The following MYPN variants were observed in gnomAD, a reference collection of about 807,000 sequenced individuals.
The protein encoded by MYPN is sarcomeric protein myopalladin, 145 kDa (MYOP).
In MYPN, 63 loss-of-function variants were observed where a neutral mutation model predicts 129.4. The ratio of observed to expected loss-of-function variants is 0.49; its 90% confidence interval spans 0.40 to 0.60. The LOEUF (loss-of-function observed/expected upper bound fraction) is 0.60, where lower values mean the gene tolerates loss of function less well. MYPN is among the 20% of genes least tolerant of loss of function. The pLI is 0.00. For synonymous variants in MYPN, 629 were observed against 600.9 expected, an observed-to-expected ratio of 1.05 and a Z score of -0.68; for missense variants, 1,596 against 1,635.4, an observed-to-expected ratio of 0.98 and a Z score of 0.42.
chr10:68,140,424 G>T (rs1176231899), intron 2 of MYPN, among the ~76,000 whole-genome samples: 1 of 151,966 alleles, frequency 6.6e-6, no homozygotes, highest in African/African-American at 2.4e-5. Flanking sequence ...TACAACCTAG[G>T]AAACTGGTGA....
Position 68,174,152 on chromosome 10 carries a change from A to C in MYPN, c.2060A>C (p.Glu687Ala), listed in dbSNP as rs748512986. 24 of 1,614,008 alleles carry C rather than the reference A, an allele frequency of 1.5e-5. No homozygotes were observed. In the South Asian group the frequency reaches 2.6e-4, roughly 18 times the overall value. Reference protein sequence around the residue: ...LQNPPPSSPKEFPFSMTVLNS... With the variant: ...LQNPPPSSPKAFPFSMTVLNS... ...AACCCACCTCCTTCATCTCCTAAGG[A>C]GTTTCCTTTCAGCATGACTGTTTTG... is the stretch of plus-strand genomic sequence containing the variant. The change falls in exon 11 of 20, where the codon GAG becomes GCG. Residue 687 changes from glutamate (E) to alanine (A), a missense_variant. By Grantham distance (107) the Glu-to-Ala change is moderately radical (BLOSUM62 -1). Coordinates refer to ENST00000358913, the MANE Select transcript of MYPN (RefSeq NM_032578.4).
intron 12 of MYPN, among the ~76,000 whole-genome samples, chr10:68,182,254 C>T (rs1471246772): frequency 2.8e-5 from 3 of 108,112 alleles, no homozygotes; most frequent in Non-Finnish European, 5.6e-5. Context: ...ATATAACACA[C>T]ATATATATAT....
chr10:68,182,282 CAT>C (rs10584832), intron 12 of MYPN, among the ~76,000 whole-genome samples: 7,745 of 24,628 alleles, frequency 0.31, 1,984 homozygotes, highest in East Asian at 0.62. Flanking sequence ...ATATAACACA[CAT>C]ATATATATAA....
rs1243452264 is a variant in MYPN at position 68,152,976 on chromosome 10, T to A, written c.1317+2865T>A. 1.4e-5 allele frequency among the ~76,000 whole-genome samples: 2 copies of A among 140,930 alleles called. 1 individual carries two copies. The highest frequency in any genetic ancestry group is 3.9e-4 in the East Asian group (2 of 5,078). 92.5% of individuals were successfully genotyped at this position (140,930 alleles called of 152,430 possible). A position where few individuals can be genotyped will look rare whatever the true frequency, so the allele number is the denominator to read the frequency against. On this transcript the variant is annotated intron_variant, in intron 6 of 19. Coordinates refer to ENST00000358913, the MANE Select transcript of MYPN (RefSeq NM_032578.4). ...TATGTTATTTTATTTTATTTTATTTTATTTATTTTATTTTATTTTATTTTA... is the reference window on the plus strand; with the variant it reads ...TATGTTATTTTATTTTATTTTATTTAATTTATTTTATTTTATTTTATTTTA...
At chr10:68,189,148 T>C in intron 13 of MYPN, 22 bp downstream of exon 13, 1 of 1,571,436 alleles carries the variant, frequency 6.4e-7, no homozygotes, top group Non-Finnish European at 8.8e-7. Context: ...GACAAGCCAG[T>C]TGGCCACCTC....
intron 4 of MYPN, among the ~76,000 whole-genome samples, chr10:68,147,549 A>G (rs73265294): frequency 0.01 from 1,572 of 152,304 alleles, 28 homozygotes; most frequent in African/African-American, 0.036. Context: ...TCATCCAGTC[A>G]TCTATCCATG....
chr10:68,175,663 GT>G (rs1239168931), intron 12 of MYPN, among the ~76,000 whole-genome samples: 1 of 152,096 alleles, frequency 6.6e-6, no homozygotes, highest in African/African-American at 2.4e-5. Flanking sequence ...AGTTAACTCA[GT>G]TTACTTGTTT....
chr10:68,113,292 T>C (rs2042105860), intron 1 of MYPN, among the ~76,000 whole-genome samples: 1 of 152,244 alleles, frequency 6.6e-6, no homozygotes. Flanking sequence ...AATTATTAAC[T>C]ATTAGGCTAT....
chr10:68,209,132 G>A (rs1211894194), intron 19 of MYPN, among the ~76,000 whole-genome samples: 1 of 152,168 alleles, frequency 6.6e-6, no homozygotes, highest in Non-Finnish European at 1.5e-5. Context: ...AGGACCCAGA[G>A]CACGAGAGTT....
At position 68,142,729 on chromosome 10, in the gene MYPN, C is replaced by T. The variant is rs2042596185; in HGVS notation, c.903-211C>T. Among the ~76,000 whole-genome samples, 2 of 152,180 alleles carry T rather than the reference C, an allele frequency of 1.3e-5. 1 individual carries two copies. Among genetic ancestry groups the T allele is most frequent in the South Asian group, 4.1e-4 (2 of 4,830 alleles). ...TCAGTTGTACCATTCTTAACTGGAG[C>T]TACTTTCTAATTTCCTGAGTGTGGT... On this transcript the variant is annotated intron_variant, in intron 2 of 19. Transcript: ENST00000358913.
chr10:68,099,548 G>A (rs2041972488), intron 1 of MYPN, among the ~76,000 whole-genome samples: 1 of 151,970 alleles, frequency 6.6e-6, no homozygotes, highest in Non-Finnish European at 1.5e-5. Context: ...GCTAAGACAT[G>A]AGAATCACTT....
chr10:68,175,791 GT>G (rs2043218822), intron 12 of MYPN, among the ~76,000 whole-genome samples: 1 of 152,192 alleles, frequency 6.6e-6, no homozygotes, highest in Admixed American at 6.5e-5. Context: ...GTCTCGATCT[GT>G]CACCCAGGCT....
At chr10:68,127,775 A>T (rs901133731) in intron 2 of MYPN, among the ~76,000 whole-genome samples, 1 of 152,172 alleles carries the variant, frequency 6.6e-6, no homozygotes, top group Admixed American at 6.5e-5. Context: ...ACAGATTTTG[A>T]TTCAGAGGAT....
At chr10:68,136,651 A>G in intron 2 of MYPN, 3 of 1,534,820 alleles carry the variant, frequency 2.0e-6, no homozygotes, top group South Asian at 1.2e-5. Context: ...CACTTCTGAC[A>G]GAGAGTTTGG....
At chr10:68,181,655 T>C (rs1044509188) in intron 12 of MYPN, among the ~76,000 whole-genome samples, 1 of 152,124 alleles carries the variant, frequency 6.6e-6, no homozygotes, top group African/African-American at 2.4e-5. Context: ...CCACATTGAC[T>C]TTGTTTTGTC....
intron 12 of MYPN, among the ~76,000 whole-genome samples, chr10:68,176,054 C>A (rs1342548758): frequency 1.3e-5 from 2 of 152,108 alleles, no homozygotes. Context: ...ATGACCTAGA[C>A]TTTAAGGAAT....
chr10:68,141,297 G>A lies in MYPN; in HGVS notation c.903-1643G>A, dbSNP rs192851764. ...GGCAGGAGAATTGCTTGAACCCGGG[G>A]GGCAGAGGTTGCAGTGAGTGGAGAT... On this transcript the variant is annotated intron_variant, in intron 2 of 19. Coordinates refer to ENST00000358913, the MANE Select transcript of MYPN (RefSeq NM_032578.4). Among the ~76,000 whole-genome samples, 4 of 151,880 alleles carry A rather than the reference G, an allele frequency of 2.6e-5. No homozygotes were observed. The South Asian group carries it at 8.3e-4, about 32-fold the overall frequency.
intron 2 of MYPN, among the ~76,000 whole-genome samples, chr10:68,137,176 T>C (rs373860806): frequency 6.6e-6 from 1 of 152,228 alleles, no homozygotes; most frequent in East Asian, 1.9e-4. Context: ...AAAAACCATT[T>C]AGTGAGAAGA....
At chr10:68,200,888 A>C (rs1281657438) in intron 17 of MYPN, among the ~76,000 whole-genome samples, 1 of 152,204 alleles carries the variant, frequency 6.6e-6, no homozygotes, top group Non-Finnish European at 1.5e-5. Flanking sequence ...AAAACAGGAA[A>C]AACTCATTCT....
Sources: gnomAD v4.1 joint callset for allele counts (sites outside exome capture counted in the v4.1 genomes callset) on GRCh38, gnomAD v4.1.1 for gene constraint, MANE v1.5 for transcripts, NCBI Gene and HGNC (gene_info 2026-07-23, HGNC 2026-07-21) for gene names.